The following FBXL7 variants were observed in gnomAD, a reference collection of about 807,000 sequenced individuals.
FBXL7 encodes F-box and leucine rich repeat protein 7.
In FBXL7, 12 loss-of-function variants were observed where a neutral mutation model predicts 38.3. The ratio of observed to expected loss-of-function variants is 0.31; its 90% CI spans 0.20 to 0.51. The LOEUF is 0.51. FBXL7 is among the 20% of genes least tolerant of loss of function. The pLI is 0.98. For synonymous variants in FBXL7, 297 were observed against 300.9 expected (o/e 0.99, Z 0.13); for missense variants, 567 against 676.4 (o/e 0.84, Z 1.79).
intron 3 of FBXL7, among the ~76,000 whole-genome samples, chr5:15,935,583 C>G (rs1470477967): frequency 1.3e-5 from 2 of 151,810 alleles, no homozygotes; most frequent in Non-Finnish European, 2.9e-5. Flanking sequence ...ACGCCTCTGG[C>G]AAATAGGGGT....
At position 15,716,925 on chromosome 5, in the gene FBXL7, C is replaced by T. The variant is rs570528796; in HGVS notation, c.127+100853C>T. Among the ~76,000 whole-genome samples, 14 of 152,136 alleles carry T rather than the reference C, an allele frequency of 9.2e-5. No individual in the cohort carries two copies. In the South Asian group the frequency reaches 1.3e-3, roughly 14 times the overall value. On this transcript the variant is annotated intron_variant, in intron 2 of 3. Transcript: ENST00000504595. ...CACTCCCTCAATATTTTAGAGAAAG[C>T]GGTCTAGTCTTATTTCCAAATTTGC...
chr5:15,559,616 CAAA>C (rs937558710), intron 1 of FBXL7, among the ~76,000 whole-genome samples: 10 of 151,910 alleles, frequency 6.6e-5, no homozygotes, highest in African/African-American at 2.4e-4. Context: ...GAACAAGGGA[CAAA>C]AAAAGTTATT....
At position 15,851,848 on chromosome 5, in the gene FBXL7, AC is replaced by A. The variant is rs1739105309; in HGVS notation, c.128-76041del. Among the ~76,000 whole-genome samples the A allele has an allele frequency of 1.2e-4, 18 of 148,206 alleles. No homozygotes were observed. The South Asian group carries it at 3.9e-3, about 32-fold the overall frequency. The stretch of plus-strand genomic sequence containing the variant: ...CACACACACACACACACACACACAC[AC>A]AAAGTTCCTTGGCTAGTTTTTTTGT... On this transcript the variant is annotated intron_variant, in intron 2 of 3. Coordinates refer to ENST00000504595, the MANE Select transcript of FBXL7 (RefSeq NM_012304.5).
chr5:15,664,003 T>G (rs1346655787), intron 2 of FBXL7, among the ~76,000 whole-genome samples: 1 of 152,170 alleles, frequency 6.6e-6, no homozygotes, highest in African/African-American at 2.4e-5. Flanking sequence ...GCTACTTGTT[T>G]CCTCATAATC....
chr5:15,756,871 GA>G (rs1445202386), intron 2 of FBXL7, among the ~76,000 whole-genome samples: 6 of 152,122 alleles, frequency 3.9e-5, no homozygotes, highest in African/African-American at 4.8e-5. Context: ...TAATAAGAAA[GA>G]AAAAGGCAAA....
At chr5:15,858,534 G>GGACAGGCAATAAATGCTGTCAGA (rs1375243703) in intron 2 of FBXL7, among the ~76,000 whole-genome samples, 5 of 152,132 alleles carry the variant, frequency 3.3e-5, no homozygotes, top group Non-Finnish European at 7.3e-5. Context: ...TGTTTATAAA[G>GGACAGGCAATAAATGCTGTCAGA]GACAGGCAAT....
chr5:15,857,887 G>A (rs1370232729), intron 2 of FBXL7, among the ~76,000 whole-genome samples: 1 of 149,714 alleles, frequency 6.7e-6, no homozygotes, highest in African/African-American at 2.6e-5. Flanking sequence ...TCTGGTATAT[G>A]TGTATATGTG....
At chr5:15,789,856 A>G (rs1737228246) in intron 2 of FBXL7, among the ~76,000 whole-genome samples, 1 of 152,164 alleles carries the variant, frequency 6.6e-6, no homozygotes, top group Non-Finnish European at 1.5e-5. Context: ...CCCTGGGCTG[A>G]TGACTCACCT....
At chr5:15,777,720 T>TAAAAAAAAAAAAAAAAAAAAAAAAAAAAA (rs371293320) in intron 2 of FBXL7, among the ~76,000 whole-genome samples, 1 of 82,504 alleles carries the variant, frequency 1.2e-5, no homozygotes, top group Non-Finnish European at 2.2e-5. Flanking sequence ...CCTATTCTGG[T>TAAAAAAAAAAAAAAAAAAAAAAAAAAAAA]AAAAAAAAAA....
rs1201051946 is a variant in FBXL7 at position 15,938,461 on chromosome 5, T to C, written c.*1275T>C. The C allele has an allele frequency of 6.6e-6, 1 of 152,218 alleles. No individual in the cohort carries two copies. Among genetic ancestry groups the C allele is most frequent in the Non-Finnish European group, 1.5e-5 (1 of 68,056 alleles). 9.4% of individuals were successfully genotyped at this position (152,218 alleles called of 1,614,324 possible). On this transcript the variant is annotated 3_prime_UTR_variant, in exon 4 of 4. Coordinates refer to ENST00000504595, the MANE Select transcript of FBXL7 (RefSeq NM_012304.5). ...TGCATTTGACCTCTTCTCATCTATT[T>C]ATTTCTTTATACATCCAGACTTCAT...
rs546582192 is a variant in FBXL7 at position 15,875,662 on chromosome 5, C to T, written c.128-52228C>T. On this transcript the variant is annotated intron_variant, in intron 2 of 3. Coordinates refer to ENST00000504595, the MANE Select transcript of FBXL7 (RefSeq NM_012304.5). ...GCAAACATGAAAAAAAGCTCATCGT[C>T]GCTGGCCATTAGAGAAATGCAAATC... is the stretch of plus-strand genomic sequence containing the variant. Among the ~76,000 whole-genome samples, 346 of 152,276 alleles carry T rather than the reference C, an allele frequency of 2.3e-3. 1 individual carries two copies. Among genetic ancestry groups the T allele is most frequent in the African/African-American group, 8.0e-3 (332 of 41,558 alleles).
chr5:15,576,857 ATCTG>A lies in FBXL7; in HGVS notation c.38-39118_38-39115del, dbSNP rs151284018. ...TTTCTGCTACTCTGATTATCTGTTTATCTGTCTGTCTTTCCCATTATTTTGTAGC... is the reference window on the plus strand; with the variant it reads ...TTTCTGCTACTCTGATTATCTGTTTATCTGTCTTTCCCATTATTTTGTAGC... On this transcript the variant is annotated intron_variant, in intron 1 of 3. Coordinates refer to ENST00000504595, the MANE Select transcript of FBXL7 (RefSeq NM_012304.5). 1.8e-3 allele frequency among the ~76,000 whole-genome samples: 279 copies of A among 152,246 alleles called. 1 individual carries two copies. The highest frequency in any genetic ancestry group is 6.2e-3 in the African/African-American group (259 of 41,534).
chr5:15,893,357 C>T (rs900245943), intron 2 of FBXL7, among the ~76,000 whole-genome samples: 1 of 151,428 alleles, frequency 6.6e-6, no homozygotes, highest in Non-Finnish European at 1.5e-5. Flanking sequence ...CAAGAAATGG[C>T]CAGAGTTAAT....
chr5:15,568,876 G>A (rs1738675107), intron 1 of FBXL7, among the ~76,000 whole-genome samples: 1 of 151,972 alleles, frequency 6.6e-6, no homozygotes, highest in Non-Finnish European at 1.5e-5. Flanking sequence ...TTTTTCTCAG[G>A]TTTGTCAAAG....
At chr5:15,541,952 CT>C (rs965137170) in intron 1 of FBXL7, among the ~76,000 whole-genome samples, 30 of 147,684 alleles carry the variant, frequency 2.0e-4, no homozygotes, top group South Asian at 2.1e-4. Context: ...TCCTTTCCTC[CT>C]TTTTTTTTTA....
chr5:15,545,266 C>T (rs1737866531), intron 1 of FBXL7, among the ~76,000 whole-genome samples: 1 of 152,230 alleles, frequency 6.6e-6, no homozygotes, highest in Non-Finnish European at 1.5e-5. Flanking sequence ...AGTATTGGCT[C>T]TGTGCCAGAC....
rs1381969286 is a variant in FBXL7, at chr5:15,936,578, C to T, written c.868C>T (p.Leu290=). 5.6e-6 allele frequency: 9 copies of T among 1,612,648 alleles called. 1 individual carries two copies. In the Middle Eastern group the frequency reaches 4.9e-4, roughly 89 times the overall value. The stretch of plus-strand genomic sequence containing the variant: ...CTGCTTCGTGCTGGAGGACGAAGGC[C>T]TGCACACCATCGCGGCGCACTGCAC... The part of the protein sequence containing the change: ...TDCFVLEDEG[L]HTIAAHCTQL... Residue 290 remains leucine, a synonymous_variant, in exon 4 of 4, where the codon CTG becomes TTG. Transcript: ENST00000504595. This position sits in a 1 kb window ranked among gnomAD's most constrained non-coding sequence, Gnocchi z 6.0.
At chr5:15,694,094 C>T (rs1414347176) in intron 2 of FBXL7, among the ~76,000 whole-genome samples, 2 of 152,170 alleles carry the variant, frequency 1.3e-5, no homozygotes, top group East Asian at 3.9e-4. Context: ...GAGCTGTAAA[C>T]ACTCAACCCT....
At chr5:15,784,641 T>C (rs1359243284) in intron 2 of FBXL7, among the ~76,000 whole-genome samples, 1 of 151,954 alleles carries the variant, frequency 6.6e-6, no homozygotes, top group African/African-American at 2.4e-5. Context: ...AGAGATCCCA[T>C]TGCTTAAAAG....
Sources: allele counts gnomAD v4.1 joint callset (sites outside exome capture counted in the v4.1 genomes callset), GRCh38; gene constraint gnomAD v4.1.1; non-coding constraint Gnocchi (gnomAD v3.1); transcripts MANE v1.5; gene names NCBI Gene and HGNC (gene_info 2026-07-23, HGNC 2026-07-21).